The following CDH12 variants were observed in gnomAD, a reference collection of about 807,000 sequenced individuals.
CDH12 encodes cadherin 12.
A neutral mutation model predicts 74.1 loss-of-function variants in CDH12; 41 were observed. The ratio of observed to expected loss-of-function variants is 0.55; its 90% CI spans 0.43 to 0.72. The LOEUF is 0.72. Ranked by LOEUF, CDH12 falls within the 30% of genes least tolerant of loss-of-function variation. The pLI is 0.00. For synonymous variants in CDH12, 399 were observed against 355.0 expected, an observed-to-expected ratio of 1.12 and a Z score of -1.39; for missense variants, 945 against 977.2, an observed-to-expected ratio of 0.97 and a Z score of 0.44.
At chr5:22,419,014 A>G (rs934636127) in intron 2 of CDH12, among the ~76,000 whole-genome samples, 2 of 152,128 alleles carry the variant, frequency 1.3e-5, no homozygotes, top group African/African-American at 2.4e-5. Context: ...TTCTGCATCT[A>G]TTGAGATAAT....
chr5:22,214,038 T>C (rs1348619014), intron 3 of CDH12, among the ~76,000 whole-genome samples: 2 of 151,862 alleles, frequency 1.3e-5, no homozygotes, highest in African/African-American at 4.8e-5. Flanking sequence ...CAAATTTCAG[T>C]AGGCGAATGC....
At chr5:21,875,988 C>T (rs1195606112) in intron 6 of CDH12, among the ~76,000 whole-genome samples, 12 of 151,606 alleles carry the variant, frequency 7.9e-5, no homozygotes, top group Admixed American at 4.6e-4. Context: ...CTCTGCCTCC[C>T]GGGTTCAAGT....
chr5:21,865,951 G>C (rs987794676), intron 6 of CDH12, among the ~76,000 whole-genome samples: 2 of 152,166 alleles, frequency 1.3e-5, no homozygotes, highest in African/African-American at 2.4e-5. Flanking sequence ...GACACCATGT[G>C]AGATAATTGA....
intron 1 of CDH12, among the ~76,000 whole-genome samples, chr5:22,538,282 T>A (rs1419916721): frequency 6.6e-6 from 1 of 152,194 alleles, no homozygotes; most frequent in Admixed American, 6.6e-5. Context: ...TGGTCTCACA[T>A]CATATCACCT....
chr5:22,277,361 G>T (rs536371937), intron 3 of CDH12, among the ~76,000 whole-genome samples: 4 of 152,306 alleles, frequency 2.6e-5, no homozygotes, highest in Non-Finnish European at 5.9e-5. Flanking sequence ...CTCTTCTAGA[G>T]TGGACTTGGG....
At chr5:22,717,311 A>T (rs776701025) in intron 1 of CDH12, among the ~76,000 whole-genome samples, 1 of 152,138 alleles carries the variant, frequency 6.6e-6, no homozygotes, top group Non-Finnish European at 1.5e-5. Context: ...AAAAATATTT[A>T]CCATGTGTTA....
chr5:22,244,426 C>T (rs1246960497), intron 3 of CDH12, among the ~76,000 whole-genome samples: 6 of 129,758 alleles, frequency 4.6e-5, no homozygotes, highest in South Asian at 2.6e-4. Context: ...ACCCAGGAGG[C>T]GGAGGTTGCA....
intron 1 of CDH12, among the ~76,000 whole-genome samples, chr5:22,797,195 A>G (rs1156707461): frequency 1.3e-5 from 2 of 151,452 alleles, no homozygotes; most frequent in African/African-American, 4.8e-5. Context: ...AAAAAAAAAA[A>G]AAAAAAAAAA....
intron 6 of CDH12, among the ~76,000 whole-genome samples, chr5:21,915,397 A>T (rs1340854537): frequency 6.6e-6 from 1 of 152,156 alleles, no homozygotes; most frequent in Non-Finnish European, 1.5e-5. Flanking sequence ...GATAAGAAGG[A>T]AGGTAAAGAT....
At chr5:21,871,229 T>C (rs770001768) in intron 6 of CDH12, among the ~76,000 whole-genome samples, 2 of 152,196 alleles carry the variant, frequency 1.3e-5, no homozygotes, top group African/African-American at 4.8e-5. Context: ...ATAATCTTTG[T>C]CTCTGTGGCC....
intron 6 of CDH12, among the ~76,000 whole-genome samples, chr5:21,896,712 T>A (rs1350242461): frequency 2.6e-5 from 4 of 151,558 alleles, no homozygotes; most frequent in Non-Finnish European, 4.4e-5. Flanking sequence ...CAAAAAAAAC[T>A]TTTTTTATCT....
At chr5:22,472,972 C>T (rs1219881387) in intron 2 of CDH12, among the ~76,000 whole-genome samples, 1 of 152,094 alleles carries the variant, frequency 6.6e-6, no homozygotes, top group Middle Eastern at 3.2e-3. Context: ...AACTCATTAC[C>T]ATGACCTTTG....
intron 1 of CDH12, among the ~76,000 whole-genome samples, chr5:22,699,569 C>G (rs552808329): frequency 6.6e-6 from 1 of 152,256 alleles, no homozygotes; most frequent in South Asian, 2.1e-4. Context: ...ATGGATGGCT[C>G]AGTACCTTTC....
chr5:22,026,144 T>A (rs1738335077), intron 5 of CDH12, among the ~76,000 whole-genome samples: 1 of 152,122 alleles, frequency 6.6e-6, no homozygotes. Context: ...AGGTTATCAA[T>A]TTACTTTGCC....
At chr5:21,783,559 C>A in intron 10 of CDH12, 65 bp from the exon 11 acceptor site, 1 of 1,219,980 alleles carries the variant, frequency 8.2e-7, no homozygotes, top group Non-Finnish European at 1.2e-6. Flanking sequence ...GGCACTTAGG[C>A]TAACTTGACA....
chr5:22,778,832 C>T (rs146576859), intron 1 of CDH12, among the ~76,000 whole-genome samples: 251 of 151,450 alleles, frequency 1.7e-3, no homozygotes, highest in African/African-American at 5.9e-3. Context: ...GAGTACATTC[C>T]TAAATCTGTG....
chr5:22,778,622 C>A (rs1747229351), intron 1 of CDH12, among the ~76,000 whole-genome samples: 2 of 152,040 alleles, frequency 1.3e-5, no homozygotes, highest in African/African-American at 4.8e-5. Flanking sequence ...CAGTATTTGT[C>A]AACTTTAAAT....
At chr5:22,698,122 CTTT>C (rs10677695) in intron 1 of CDH12, among the ~76,000 whole-genome samples, 1 of 91,186 alleles carries the variant, frequency 1.1e-5, no homozygotes, top group Non-Finnish European at 2.0e-5. Context: ...AAAGGCAGGG[CTTT>C]TTTTTTTTTT....
chr5:21,818,321 A>G (rs1235688090), intron 8 of CDH12, among the ~76,000 whole-genome samples: 1 of 151,944 alleles, frequency 6.6e-6, no homozygotes, highest in Non-Finnish European at 1.5e-5. Context: ...TTGCATAGGG[A>G]AGTTCATTAA....
Sources: gnomAD v4.1 joint callset for allele counts (sites outside exome capture counted in the v4.1 genomes callset) on GRCh38, gnomAD v4.1.1 for gene constraint, MANE v1.5 for transcripts, NCBI Gene and HGNC (gene_info 2026-07-23, HGNC 2026-07-21) for gene names.